Variants in SH3BGRL observed in about 807,000 individuals in gnomAD.
SH3BGRL encodes adapter SH3BGRL.
Under a neutral mutation model 9.8 loss-of-function variants are expected in SH3BGRL, and 7 were observed. The observed-to-expected ratio is 0.72, with a 90% CI of 0.41 to 1.35. The LOEUF (loss-of-function observed/expected upper bound fraction) is 1.35, where lower values mean the gene tolerates loss of function less well. Ranked by LOEUF, SH3BGRL falls within the 40% of genes most tolerant of loss-of-function variation. The pLI is 0.01. For missense variants in SH3BGRL, 73 were observed against 84.4 expected (o/e 0.86, Z 0.53); for synonymous variants, 36 against 29.1 (o/e 1.24, Z -0.76).
chrX:81,220,312 C>T (rs1490320193), intron 1 of SH3BGRL, among the ~76,000 whole-genome samples: 1 of 111,333 alleles, frequency 9.0e-6, no homozygotes, highest in East Asian at 2.8e-4. Flanking sequence ...TTTTTGTCTG[C>T]TCAGGTTTTG....
Position 81,237,138 on chromosome X carries a change from G to A in SH3BGRL, c.45+34893G>A, listed in dbSNP as rs761196946. ...CCTAGGGAAGAGATGGATCAAGATGGTGAAATAGAAGACTCCACCAATCAT... is the reference window on the plus strand; with the variant it reads ...CCTAGGGAAGAGATGGATCAAGATGATGAAATAGAAGACTCCACCAATCAT... On this transcript the variant is annotated intron_variant, in intron 1 of 3. Transcript: ENST00000373212. The A allele has an allele frequency of 2.3e-4, 173 of 753,088 alleles. 2 individuals are homozygous for A. The highest frequency in any genetic ancestry group is 3.1e-4 in the Non-Finnish European group (171 of 557,903). The allele number at this position is 753,088 out of a possible 1,213,427, so 62.1% of individuals were successfully genotyped here.
chrX:81,266,558 G>C (rs1246334481), intron 1 of SH3BGRL, among the ~76,000 whole-genome samples: 3 of 111,584 alleles, frequency 2.7e-5, no homozygotes, highest in African/African-American at 9.8e-5. Context: ...CTGTTCCATT[G>C]GTCTATATAT....
chrX:81,276,301 G>T (rs1411498184), intron 1 of SH3BGRL, among the ~76,000 whole-genome samples: 1 of 108,703 alleles, frequency 9.2e-6, no homozygotes, highest in African/African-American at 3.3e-5. Context: ...TGGTGCAAAG[G>T]TAATTGCAGT....
chrX:81,249,269 C>T (rs777346367), intron 1 of SH3BGRL, among the ~76,000 whole-genome samples: 1 of 112,306 alleles, frequency 8.9e-6, no homozygotes, highest in South Asian at 3.7e-4. Flanking sequence ...CTTTCCCAAC[C>T]AATGGACCAG....
chrX:81,268,825 T>C (rs2075766604), intron 1 of SH3BGRL, among the ~76,000 whole-genome samples: 1 of 111,336 alleles, frequency 9.0e-6, no homozygotes, highest in Non-Finnish European at 1.9e-5. Flanking sequence ...GGTGTTAAAG[T>C]CTTCCATTAT....
intron 3 of SH3BGRL, among the ~76,000 whole-genome samples, chrX:81,285,062 G>T (rs1406363949): frequency 9.0e-6 from 1 of 110,934 alleles, no homozygotes; most frequent in Non-Finnish European, 1.9e-5. Context: ...GGGAGATTTT[G>T]AATTTTGGTA....
chrX:81,220,008 A>G (rs1450448150), intron 1 of SH3BGRL, among the ~76,000 whole-genome samples: 3 of 111,149 alleles, frequency 2.7e-5, no homozygotes, highest in Non-Finnish European at 5.7e-5. Flanking sequence ...TGTGTTCATG[A>G]ATTCATTTTT....
chrX:81,206,255 T>G (rs2075547764), intron 1 of SH3BGRL, among the ~76,000 whole-genome samples: 1 of 111,446 alleles, frequency 9.0e-6, no homozygotes, highest in Non-Finnish European at 1.9e-5. Flanking sequence ...TTTCATTGCC[T>G]GTTTTTGAGG....
chrX:81,266,563 A>C lies in SH3BGRL; in HGVS notation c.46-10421A>C, dbSNP rs751004667. ...GGACTCTGTTCTGTTCCATTGGTCT[A>C]TATATTTGTCTTGGTACCAGTACCA... On this transcript the variant is annotated intron_variant, in intron 1 of 3. Transcript: ENST00000373212. Among the ~76,000 whole-genome samples, 287 of 111,569 alleles carry C rather than the reference A, an allele frequency of 2.6e-3. 1 individual carries two copies. The highest frequency in any genetic ancestry group is 9.1e-3 in the African/African-American group (279 of 30,700).
intron 1 of SH3BGRL, among the ~76,000 whole-genome samples, chrX:81,265,915 C>T (rs747540928): frequency 5.5e-5 from 6 of 108,204 alleles, no homozygotes; most frequent in Non-Finnish European, 7.9e-5. Context: ...CTGGCGATCT[C>T]GTGGTTTTGA....
intron 1 of SH3BGRL, among the ~76,000 whole-genome samples, chrX:81,249,149 A>C (rs1315224610): frequency 8.9e-6 from 1 of 112,369 alleles, no homozygotes; most frequent in East Asian, 2.8e-4. Flanking sequence ...AAAAATCTTA[A>C]CTATCTTTAT....
intron 3 of SH3BGRL, among the ~76,000 whole-genome samples, chrX:81,287,638 A>G (rs1270489841): frequency 9.0e-6 from 1 of 110,530 alleles, no homozygotes; most frequent in Non-Finnish European, 1.9e-5. Context: ...AACATCACAC[A>G]CCGGGACCTG....
intron 1 of SH3BGRL, among the ~76,000 whole-genome samples, chrX:81,230,728 G>A (rs1288376435): frequency 2.7e-5 from 3 of 111,539 alleles, no homozygotes; most frequent in Non-Finnish European, 3.8e-5. Flanking sequence ...AGTTTAAAGT[G>A]GTGGTGGTAT....
chrX:81,240,592 A>G (rs1305926440), intron 1 of SH3BGRL, among the ~76,000 whole-genome samples: 2 of 112,479 alleles, frequency 1.8e-5, no homozygotes, highest in African/African-American at 3.2e-5. Context: ...GGAAGAATCA[A>G]TATTGTTTAA....
chrX:81,214,891 G>A (rs1449895279), intron 1 of SH3BGRL, among the ~76,000 whole-genome samples: 1 of 111,281 alleles, frequency 9.0e-6, no homozygotes, highest in Non-Finnish European at 1.9e-5. Flanking sequence ...TTCTGGCTAT[G>A]GGATGGATTA....
intron 3 of SH3BGRL, among the ~76,000 whole-genome samples, chrX:81,280,023 G>C (rs2075811374): frequency 1.8e-5 from 2 of 111,093 alleles, no homozygotes; most frequent in African/African-American, 6.6e-5. Context: ...CAACCCTTCG[G>C]TTTACCTGGG....
At chrX:81,255,720 C>T (rs1181957575) in intron 1 of SH3BGRL, 1 of 111,855 alleles carries the variant, frequency 8.9e-6, no homozygotes, top group African/African-American at 3.2e-5. Flanking sequence ...TTCTGTTTTG[C>T]TCCCCTTCTT....
chrX:81,277,248 G>A (rs1446982694), intron 2 of SH3BGRL, 79 bp downstream of exon 2: 6 of 824,636 alleles, frequency 7.3e-6, no homozygotes, highest in East Asian at 3.4e-5. Context: ...CTGCCTCCAA[G>A]CCTGCATATA....
intron 1 of SH3BGRL, among the ~76,000 whole-genome samples, chrX:81,210,109 T>G (rs2147665947): frequency 9.0e-6 from 1 of 110,748 alleles, no homozygotes; most frequent in South Asian, 3.9e-4. Flanking sequence ...TATCCTAGAG[T>G]TAGGGTCTAG....
Sources: allele counts gnomAD v4.1 joint callset (sites outside exome capture counted in the v4.1 genomes callset), GRCh38; gene constraint gnomAD v4.1.1; transcripts MANE v1.5; gene names NCBI Gene and HGNC (gene_info 2026-07-23, HGNC 2026-07-21).